Variants in RANBP2 observed in about 807,000 individuals in gnomAD.
RANBP2 encodes the protein RAN binding protein 2.
Under a neutral mutation model 303.6 loss-of-function variants are expected in RANBP2, and 57 were observed. That is an observed-to-expected ratio of 0.19 (90% CI 0.15 to 0.23). RANBP2 has a LOEUF of 0.23. Among genes scored for constraint, RANBP2 ranks in the 10% least tolerant of loss-of-function variants. The pLI is 1.00. For synonymous variants in RANBP2, 1,167 were observed against 1,301.5 expected (o/e 0.90, Z 2.23); for missense variants, 3,138 against 3,780.8 (o/e 0.83, Z 4.46).
At chr2:108,794,591 G>A in the RANBP2 span, 1 of 1,614,108 alleles carries the variant, frequency 6.2e-7, no homozygotes, top group South Asian at 1.1e-5. Context: ...GAGTGTTGTA[G>A]TGATGCAGGT....
the RANBP2 span, among the ~76,000 whole-genome samples, chr2:108,880,586 A>T: frequency 6.6e-6 from 1 of 152,184 alleles, no homozygotes; most frequent in South Asian, 2.1e-4. Flanking sequence ...TTTGAAGGCA[A>T]TGCTCATTTG....
chr2:108,890,148 T>C, the RANBP2 span, among the ~76,000 whole-genome samples: 6 of 150,752 alleles, frequency 4.0e-5, no homozygotes, highest in African/African-American at 1.5e-4. Context: ...TTTTTTCTTC[T>C]CAGCACTTTG....
At chr2:108,880,946 G>A in the RANBP2 span, among the ~76,000 whole-genome samples, 5 of 152,164 alleles carry the variant, frequency 3.3e-5, no homozygotes, top group Non-Finnish European at 5.9e-5. Context: ...TAATTCATGA[G>A]AGAAGTTCAA....
the RANBP2 span, among the ~76,000 whole-genome samples, chr2:108,855,645 A>C: frequency 6.6e-6 from 1 of 152,042 alleles, no homozygotes; most frequent in Non-Finnish European, 1.5e-5. Flanking sequence ...AATTCTACCA[A>C]TGGTAAAAAT....
chr2:109,701,987 ACAAT>A, the RANBP2 span, among the ~76,000 whole-genome samples: 1 of 152,212 alleles, frequency 6.6e-6, no homozygotes, highest in African/African-American at 2.4e-5. Context: ...GGTACAGTAA[ACAAT>A]CACCTACCTA....
chr2:109,345,359 A>G, the RANBP2 span, among the ~76,000 whole-genome samples: 2 of 152,100 alleles, frequency 1.3e-5, no homozygotes, highest in Admixed American at 1.3e-4. Flanking sequence ...CTCAGATAGC[A>G]CGAGCCGGCC....
At chr2:109,683,295 T>C in the RANBP2 span, among the ~76,000 whole-genome samples, 1 of 152,194 alleles carries the variant, frequency 6.6e-6, no homozygotes, top group Non-Finnish European at 1.5e-5. Flanking sequence ...CGTGAGCCAC[T>C]GTGCCCAGCC....
At chr2:109,233,431 G>C in the RANBP2 span, among the ~76,000 whole-genome samples, 2 of 152,296 alleles carry the variant, frequency 1.3e-5, no homozygotes, top group African/African-American at 4.8e-5. Context: ...CAGACACTTC[G>C]TGTCTTCCCT....
the RANBP2 span, among the ~76,000 whole-genome samples, chr2:108,984,705 C>T: frequency 5.9e-5 from 9 of 151,950 alleles, no homozygotes; most frequent in South Asian, 2.1e-4. Flanking sequence ...TTTTTCATGG[C>T]GCTGGATTTA....
chr2:109,449,820 ATATT>A, the RANBP2 span, among the ~76,000 whole-genome samples: 2 of 152,202 alleles, frequency 1.3e-5, no homozygotes, highest in Non-Finnish European at 2.9e-5. Flanking sequence ...TTAGAACAGG[ATATT>A]TATTGCCATG....
chr2:109,097,217 T>G, the RANBP2 span, among the ~76,000 whole-genome samples: 1 of 152,192 alleles, frequency 6.6e-6, no homozygotes, highest in South Asian at 2.1e-4. Context: ...GGCAGGAGAA[T>G]CGCTTGAACC....
the RANBP2 span, among the ~76,000 whole-genome samples, chr2:109,060,587 C>T: frequency 6.6e-6 from 1 of 152,178 alleles, no homozygotes; most frequent in African/African-American, 2.4e-5. Flanking sequence ...TTATGAAGAT[C>T]TAGTAAAGTT....
chr2:109,505,980 C>G, the RANBP2 span, among the ~76,000 whole-genome samples: 1 of 152,168 alleles, frequency 6.6e-6, no homozygotes, highest in African/African-American at 2.4e-5. Flanking sequence ...ACACAGCAAC[C>G]CATCAGGGCC....
At chr2:109,145,186 C>T in the RANBP2 span, among the ~76,000 whole-genome samples, 168 of 152,314 alleles carry the variant, frequency 1.1e-3, 2 homozygotes, top group African/African-American at 3.9e-3. Context: ...TGCCTTTCTG[C>T]TGCTTCTGAG....
At chr2:108,836,041 T>C in the RANBP2 span, among the ~76,000 whole-genome samples, 13 of 152,326 alleles carry the variant, frequency 8.5e-5, no homozygotes, top group African/African-American at 3.1e-4. Flanking sequence ...AGAGCTCTCC[T>C]GACGTAAACA....
chr2:109,106,484 T>C, the RANBP2 span, among the ~76,000 whole-genome samples: 2 of 152,160 alleles, frequency 1.3e-5, no homozygotes, highest in Admixed American at 6.5e-5. Flanking sequence ...ACTACCTATA[T>C]GGGGAGCATC....
the RANBP2 span, among the ~76,000 whole-genome samples, chr2:109,307,194 G>A: frequency 5.9e-5 from 9 of 152,178 alleles, no homozygotes; most frequent in Non-Finnish European, 1.2e-4. Flanking sequence ...CTGCTGGGAG[G>A]TGCACATTTG....
chr2:109,722,696 C>A, the RANBP2 span, among the ~76,000 whole-genome samples: 1 of 152,178 alleles, frequency 6.6e-6, no homozygotes, highest in East Asian at 1.9e-4. Context: ...CTTCTGTTTT[C>A]ATTGTTCAGC....
Position 108,782,114 on chromosome 2 carries a change from A to C in RANBP2, c.8761-14A>C. ...TAAGCAGCAGCTTATAGAGAATTTC[A>C]TCTCCTATTATAGGTAGAAGTAAAA... On this transcript the variant is annotated splice_polypyrimidine_tract_variant and intron_variant, in intron 26 of 28. Coordinates refer to ENST00000283195, the MANE Select transcript of RANBP2 (RefSeq NM_006267.5). 1 of 1,613,142 alleles carries C rather than the reference A, an allele frequency of 6.2e-7. No homozygotes were observed. The highest frequency in any genetic ancestry group is 1.3e-5 in the African/African-American group (1 of 74,964).
Sources: allele counts gnomAD v4.1 joint callset (sites outside exome capture counted in the v4.1 genomes callset), GRCh38; gene constraint gnomAD v4.1.1; transcripts MANE v1.5; gene names NCBI Gene and HGNC (gene_info 2026-07-23, HGNC 2026-07-21).